The following ZNF462 variants were observed in gnomAD, a reference collection of about 807,000 sequenced individuals.
ZNF462 encodes the protein zinc finger PBX1-interacting protein.
A neutral mutation model predicts 201.9 loss-of-function variants in ZNF462; 10 were observed. The observed-to-expected ratio is 0.05, with a 90% CI of 0.03 to 0.08. ZNF462 has a LOEUF of 0.08. Among genes scored for constraint, ZNF462 ranks in the 10% least tolerant of loss-of-function variants. ZNF462 has a pLI of 1.00. For synonymous variants in ZNF462, 1,227 were observed against 1,193.3 expected (o/e 1.03, Z -0.58); for missense variants, 2,523 against 3,168.3 (o/e 0.80, Z 4.89).
Position 106,865,069 on chromosome 9 carries a change from C to T in ZNF462, c.-31+1714C>T, listed in dbSNP as rs1001995632. ...TCCTTCTCTCTTTCCAGAGGGAAAC[C>T]TTGTGGTGGTTCCTCACTGTCTATT... On this transcript the variant is annotated intron_variant, in intron 1 of 12. Transcript: ENST00000277225. This position sits in a 1 kb window ranked among gnomAD's most constrained non-coding sequence, Gnocchi z 4.1. Among the ~76,000 whole-genome samples, 2 of 152,076 alleles carry T rather than the reference C, an allele frequency of 1.3e-5. No homozygotes were observed. The highest frequency in any genetic ancestry group is 2.9e-5 in the Non-Finnish European group (2 of 68,026).
In ZNF462 at chr9:106,927,163, A is replaced by T; in HGVS notation, c.3251A>T (p.Glu1084Val). 6.2e-7 allele frequency: 1 copy of T among 1,614,048 alleles called. No individual in the cohort carries two copies. Among genetic ancestry groups the T allele is most frequent in the Non-Finnish European group, 8.5e-7 (1 of 1,180,012 alleles). ...TCTGCCCTTTCTCAATTATCATTTG[A>T]GGTGGGTGCTCCAATGTCTCCCAAA... Reference protein sequence around the residue: ...RGSALSQLSFEVGAPMSPKMS... With the variant: ...RGSALSQLSFVVGAPMSPKMS... Residue 1084 changes from glutamate to valine, a missense_variant, in exon 3 of 13, where the codon GAG becomes GTG. By Grantham distance (121) the Glu-to-Val change is moderately radical. Transcript: ENST00000277225.
intron 7 of ZNF462, among the ~76,000 whole-genome samples, chr9:106,953,459 T>C (rs1052270988): frequency 6.6e-6 from 1 of 152,166 alleles, no homozygotes; most frequent in Admixed American, 6.6e-5. Context: ...CTTCTTTTTT[T>C]GTCTGTGGCA....
At chr9:106,964,795 C>T (rs941228156) in intron 7 of ZNF462, among the ~76,000 whole-genome samples, 1 of 151,980 alleles carries the variant, frequency 6.6e-6, no homozygotes, top group East Asian at 1.9e-4. Flanking sequence ...TGAATGAGCT[C>T]AGTAGCAAAT....
At chr9:106,909,933 GT>G (rs1333274283) in intron 1 of ZNF462, among the ~76,000 whole-genome samples, 1 of 151,890 alleles carries the variant, frequency 6.6e-6, no homozygotes, top group Non-Finnish European at 1.5e-5. Flanking sequence ...GCTTTGTTTT[GT>G]TTTGCTGTCT....
chr9:107,010,569 A>G lies in ZNF462; in HGVS notation c.7314-254A>G, dbSNP rs954583689. Among the ~76,000 whole-genome samples, 1 of 152,164 alleles carries G rather than the reference A, an allele frequency of 6.6e-6. No homozygotes were observed. Among genetic ancestry groups the G allele is most frequent in the Non-Finnish European group, 1.5e-5 (1 of 68,024 alleles). On this transcript the variant is annotated intron_variant, in intron 12 of 12. Transcript: ENST00000277225. The surrounding 1 kb of genome is among the most constrained non-coding windows in gnomAD (Gnocchi z 4.6). ...CTAGAAAGAAAACATGGGATAATCA[A>G]TATATAGTATAATAATGGATACTTC... is the stretch of plus-strand genomic sequence containing the variant.
At chr9:106,893,569 C>T (rs555777886) in intron 1 of ZNF462, among the ~76,000 whole-genome samples, 4 of 152,238 alleles carry the variant, frequency 2.6e-5, no homozygotes, top group African/African-American at 4.8e-5. Context: ...TTGTCTTAAC[C>T]GCACTCGAAG....
At position 107,009,367 on chromosome 9, in the gene ZNF462, TGC is replaced by T; in HGVS notation, c.7190-177_7190-176del. On this transcript the variant is annotated intron_variant, in intron 11 of 12. Coordinates refer to ENST00000277225, the MANE Select transcript of ZNF462 (RefSeq NM_021224.6). This position sits in a 1 kb window ranked among gnomAD's most constrained non-coding sequence, Gnocchi z 6.1. ...CCAAGAACCAGAAACAGTTCTCGAATGCTATTCAAGGAATGCCCTAAGGGGGA... is the reference window on the plus strand; with the variant it reads ...CCAAGAACCAGAAACAGTTCTCGAATTATTCAAGGAATGCCCTAAGGGGGA... The T allele has an allele frequency of 1.4e-6, 1 of 739,050 alleles. No individual in the cohort carries two copies. Among genetic ancestry groups the T allele is most frequent in the Non-Finnish European group, 2.1e-6 (1 of 481,202 alleles). The allele number at this position is 739,050 out of a possible 1,614,324, so 45.8% of individuals were successfully genotyped here.
chr9:106,997,752 C>T (rs1828848371), intron 10 of ZNF462, among the ~76,000 whole-genome samples: 1 of 152,042 alleles, frequency 6.6e-6, no homozygotes, highest in Admixed American at 6.6e-5. Flanking sequence ...TTGAGTAGAC[C>T]ACTTGGTACG....
chr9:106,862,074 C>T (rs1263737433), upstream of ZNF462, among the ~76,000 whole-genome samples: 2 of 151,974 alleles, frequency 1.3e-5, no homozygotes, highest in African/African-American at 2.4e-5. The surrounding 1 kb of genome is among the most constrained non-coding windows in gnomAD (Gnocchi z 4.2). Context: ...TCCTCCTCCA[C>T]CCCCCCACCT....
intron 1 of ZNF462, among the ~76,000 whole-genome samples, chr9:106,915,086 A>G (rs1229427148): frequency 6.6e-6 from 1 of 152,164 alleles, no homozygotes; most frequent in Non-Finnish European, 1.5e-5. Context: ...TAAGGGCCTC[A>G]AAAGACTTGC....
At position 107,008,005 on chromosome 9, in the gene ZNF462, T is replaced by C. The variant is rs1829683282; in HGVS notation, c.7190-1540T>C. Among the ~76,000 whole-genome samples, 1 of 152,138 alleles carries C rather than the reference T, an allele frequency of 6.6e-6. No homozygotes were observed. The highest frequency in any genetic ancestry group is 2.4e-5 in the African/African-American group (1 of 41,432). On this transcript the variant is annotated intron_variant, in intron 11 of 12. Transcript: ENST00000277225. The surrounding 1 kb of genome is among the most constrained non-coding windows in gnomAD (Gnocchi z 4.8). ...CGCAGCCACCCCACTCCCTACCTCC[T>C]TTCTAAATGCAAGTGCCGGACTGAA...
intron 1 of ZNF462, among the ~76,000 whole-genome samples, chr9:106,899,266 G>C (rs1457513326): frequency 6.8e-6 from 1 of 146,012 alleles, no homozygotes; most frequent in African/African-American, 2.5e-5. Context: ...GTGCATGCAT[G>C]CATGTGTGTT....
intron 7 of ZNF462, 87 bp from the exon 8 acceptor site, chr9:106,971,918 A>G: frequency 6.7e-7 from 1 of 1,502,038 alleles, no homozygotes; most frequent in Non-Finnish European, 8.9e-7. Context: ...CTGGAGGGTA[A>G]AAAGAAACCT....
intron 7 of ZNF462, among the ~76,000 whole-genome samples, chr9:106,948,928 A>G (rs956552498): frequency 6.6e-6 from 1 of 152,130 alleles, no homozygotes; most frequent in South Asian, 2.1e-4. Flanking sequence ...GATTTTGCCA[A>G]TCAAAAATTC....
rs1365795385 is a variant in ZNF462, at chr9:106,977,656, T to C, written c.6832+3383T>C. ...GGGGAACATAAGACCCAGCACCCAC[T>C]CTCCTCAGAGATGAGCATGTGCGTA... On this transcript the variant is annotated intron_variant, in intron 9 of 12. Coordinates refer to ENST00000277225, the MANE Select transcript of ZNF462 (RefSeq NM_021224.6). The surrounding 1 kb of genome is among the most constrained non-coding windows in gnomAD (Gnocchi z 4.6). 6.6e-6 allele frequency among the ~76,000 whole-genome samples: 1 copy of C among 151,376 alleles called. No individual in the cohort carries two copies. Among genetic ancestry groups the C allele is most frequent in the African/African-American group, 2.5e-5 (1 of 40,714 alleles).
At position 106,929,805 on chromosome 9, in the gene ZNF462, A is replaced by G. The variant is rs907695584; in HGVS notation, c.5847+46A>G. On this transcript the variant is annotated intron_variant, in intron 3 of 12. Coordinates refer to ENST00000277225, the MANE Select transcript of ZNF462 (RefSeq NM_021224.6). The surrounding 1 kb of genome is among the most constrained non-coding windows in gnomAD (Gnocchi z 8.7). ...CCCTTCCCCCAGGAGGCCTCTCATCACTGGTGCCCACATGCACTTCTTCGT... is the reference window on the plus strand; with the variant it reads ...CCCTTCCCCCAGGAGGCCTCTCATCGCTGGTGCCCACATGCACTTCTTCGT... 1 of 1,526,920 alleles carries G rather than the reference A, an allele frequency of 6.5e-7. No individual in the cohort carries two copies. Among genetic ancestry groups the G allele is most frequent in the Non-Finnish European group, 8.9e-7 (1 of 1,124,744 alleles). The allele number at this position is 1,526,920 out of a possible 1,614,324, so 94.6% of individuals were successfully genotyped here.
chr9:106,992,992 C>T (rs1240119640), intron 10 of ZNF462, among the ~76,000 whole-genome samples: 1 of 152,094 alleles, frequency 6.6e-6, no homozygotes, highest in Non-Finnish European at 1.5e-5. Flanking sequence ...GTGGAATAGA[C>T]TTAGCAATTG....
intron 7 of ZNF462, among the ~76,000 whole-genome samples, chr9:106,961,142 G>T (rs1280898426): frequency 2.0e-5 from 3 of 152,000 alleles, no homozygotes; most frequent in Admixed American, 2.0e-4. Context: ...CATTACACCT[G>T]AGCATCTCAC....
intron 10 of ZNF462, among the ~76,000 whole-genome samples, chr9:106,994,219 A>G (rs76003874): frequency 0.026 from 3,994 of 152,264 alleles, 180 homozygotes; most frequent in African/African-American, 0.091. Flanking sequence ...TGGAGCCTTA[A>G]GCAGTTGAAC....
Sources: gnomAD v4.1 joint callset for allele counts (sites outside exome capture counted in the v4.1 genomes callset) on GRCh38, gnomAD v4.1.1 for gene constraint, Gnocchi (gnomAD v3.1) non-coding constraint, MANE v1.5 for transcripts, NCBI Gene and HGNC (gene_info 2026-07-23, HGNC 2026-07-21) for gene names.